Variants in KHDRBS2 observed in about 807,000 individuals in gnomAD.
KHDRBS2 encodes KH RNA binding domain containing, signal transduction associated 2.
In KHDRBS2, 26 loss-of-function variants were observed where a neutral mutation model predicts 44.3. The ratio of observed to expected loss-of-function variants is 0.59; its 90% confidence interval spans 0.43 to 0.81. The LOEUF (loss-of-function observed/expected upper bound fraction) is 0.81, where lower values mean the gene tolerates loss of function less well. Among genes scored for constraint, KHDRBS2 ranks in the 40% least tolerant of loss-of-function variants. KHDRBS2 has a pLI of 0.00. For missense variants in KHDRBS2, 476 were observed against 433.1 expected (o/e 1.10, Z -0.88); for synonymous variants, 194 against 151.1 (o/e 1.28, Z -2.08).
At chr6:62,125,603 G>C (rs942154643) in intron 2 of KHDRBS2, among the ~76,000 whole-genome samples, 1 of 152,170 alleles carries the variant, frequency 6.6e-6, no homozygotes, top group Non-Finnish European at 1.5e-5. Context: ...TTGAAGAGAG[G>C]AGAGGGAAGA....
chr6:62,120,496 T>C (rs1199749902), intron 2 of KHDRBS2, among the ~76,000 whole-genome samples: 2 of 152,070 alleles, frequency 1.3e-5, no homozygotes, highest in Non-Finnish European at 2.9e-5. Context: ...GATCCCGAGG[T>C]GGCAGGGACC....
In KHDRBS2 at chr6:61,768,451, A is replaced by G. The variant is rs373368524; in HGVS notation, c.811-35687T>C. On this transcript the variant is annotated intron_variant, in intron 6 of 8. Transcript: ENST00000281156. ...CCCTTTGAATATACTTACTACACCC[A>G]TCCCTTTCTCAACCTCATTTTAAAG... Among the ~76,000 whole-genome samples, 342 of 152,160 alleles carry G rather than the reference A, an allele frequency of 2.2e-3. 2 individuals are homozygous for G. The highest frequency in any genetic ancestry group is 8.0e-3 in the African/African-American group (333 of 41,504).
At chr6:61,587,257 G>A in the KHDRBS2 span, among the ~76,000 whole-genome samples, 2 of 152,268 alleles carry the variant, frequency 1.3e-5, no homozygotes, top group East Asian at 1.9e-4. Flanking sequence ...ATACTAGCAT[G>A]CGTATGAATT....
At chr6:61,971,481 T>C (rs1276970494) in intron 4 of KHDRBS2, among the ~76,000 whole-genome samples, 1 of 152,154 alleles carries the variant, frequency 6.6e-6, no homozygotes, top group African/African-American at 2.4e-5. Flanking sequence ...AAGATACATT[T>C]CAGAAATACA....
intron 2 of KHDRBS2, among the ~76,000 whole-genome samples, chr6:62,175,122 A>C (rs1820823220): frequency 6.6e-6 from 1 of 151,682 alleles, no homozygotes; most frequent in Non-Finnish European, 1.5e-5. Flanking sequence ...GTACTATAAA[A>C]ACCAGAACAA....
the KHDRBS2 span, among the ~76,000 whole-genome samples, chr6:61,601,962 C>A: frequency 5.3e-5 from 8 of 152,066 alleles, no homozygotes; most frequent in African/African-American, 1.9e-4. Context: ...CCGACCTCTC[C>A]CAAATCAGTT....
chr6:61,736,074 A>G (rs923157369), intron 6 of KHDRBS2, among the ~76,000 whole-genome samples: 3 of 150,436 alleles, frequency 2.0e-5, no homozygotes, highest in Non-Finnish European at 3.0e-5. Context: ...CAGTTGTGGA[A>G]AATGTCTCTC....
At chr6:61,550,375 A>G in the KHDRBS2 span, among the ~76,000 whole-genome samples, 1 of 152,048 alleles carries the variant, frequency 6.6e-6, no homozygotes, top group Non-Finnish European at 1.5e-5. Flanking sequence ...GCATGATCTC[A>G]TTTTTTATGC....
intron 2 of KHDRBS2, among the ~76,000 whole-genome samples, chr6:62,151,826 C>T (rs759949299): frequency 9.2e-5 from 14 of 152,128 alleles, no homozygotes; most frequent in African/African-American, 2.7e-4. Flanking sequence ...TAGAGTGTAA[C>T]GCAGCAAATA....
chr6:61,762,191 A>G (rs1779362676), intron 6 of KHDRBS2, among the ~76,000 whole-genome samples: 1 of 152,208 alleles, frequency 6.6e-6, no homozygotes, highest in African/African-American at 2.4e-5. Flanking sequence ...GAAATCCCCT[A>G]GAAAGATAAA....
intron 2 of KHDRBS2, among the ~76,000 whole-genome samples, chr6:62,093,124 C>A (rs1029753043): frequency 4.6e-5 from 7 of 150,822 alleles, no homozygotes; most frequent in African/African-American, 1.7e-4. Context: ...ATTAATTAGG[C>A]ATAAACTCAT....
the KHDRBS2 span, among the ~76,000 whole-genome samples, chr6:61,611,874 T>C: frequency 6.6e-6 from 1 of 152,182 alleles, no homozygotes; most frequent in African/African-American, 2.4e-5. Context: ...TGTTTCCATG[T>C]TTATGTCCAC....
At chr6:61,697,411 C>T (rs919658453) in intron 7 of KHDRBS2, among the ~76,000 whole-genome samples, 158 bp from the exon 8 acceptor site, 11 of 152,020 alleles carry the variant, frequency 7.2e-5, no homozygotes, top group African/African-American at 2.4e-4. Context: ...AAGAAAAACA[C>T]AGGTTATTGA....
At chr6:61,897,891 C>T (rs756595438) in intron 5 of KHDRBS2, among the ~76,000 whole-genome samples, 25 of 152,056 alleles carry the variant, frequency 1.6e-4, no homozygotes, top group Non-Finnish European at 3.2e-4. Context: ...CCCGATGTTT[C>T]GTTTTTCAGT....
chr6:62,073,622 G>T (rs922913260), intron 2 of KHDRBS2, among the ~76,000 whole-genome samples: 1 of 137,554 alleles, frequency 7.3e-6, no homozygotes. Context: ...TTATTTTTTC[G>T]AGTTTATTAA....
intron 1 of KHDRBS2, among the ~76,000 whole-genome samples, chr6:62,245,665 T>C (rs1043339309): frequency 6.6e-6 from 1 of 152,116 alleles, no homozygotes; most frequent in African/African-American, 2.4e-5. Flanking sequence ...ATGAGTGTCA[T>C]ACAATTTACA....
intron 5 of KHDRBS2, among the ~76,000 whole-genome samples, chr6:61,895,775 A>T (rs575782683): frequency 6.6e-6 from 1 of 151,996 alleles, no homozygotes; most frequent in Non-Finnish European, 1.5e-5. Context: ...AGCTTTGGGG[A>T]AAAAAATGAT....
intron 6 of KHDRBS2, among the ~76,000 whole-genome samples, chr6:61,794,714 G>A (rs1420021567): frequency 1.3e-5 from 2 of 152,026 alleles, no homozygotes; most frequent in Non-Finnish European, 2.9e-5. Context: ...CAACCAAAGT[G>A]GTTCTTAACA....
At chr6:61,670,210 C>T in the KHDRBS2 span, among the ~76,000 whole-genome samples, 1 of 151,272 alleles carries the variant, frequency 6.6e-6, no homozygotes, top group Non-Finnish European at 1.5e-5. Flanking sequence ...TCCAAAAGTA[C>T]TAAGTTCCCA....
Sources: allele counts gnomAD v4.1 joint callset (sites outside exome capture counted in the v4.1 genomes callset), GRCh38; gene constraint gnomAD v4.1.1; transcripts MANE v1.5; gene names NCBI Gene and HGNC (gene_info 2026-07-23, HGNC 2026-07-21).